Variants in ACP6 observed in about 807,000 individuals in gnomAD.
The protein encoded by ACP6 is lysophosphatidic acid phosphatase type 6.
Under a neutral mutation model 48.1 loss-of-function variants are expected in ACP6, and 48 were observed. The observed-to-expected ratio is 1.00, with a 90% confidence interval of 0.79 to 1.27. The LOEUF is 1.27. ACP6 is among the 50% of genes most tolerant of loss of function. The pLI, the probability that ACP6 is intolerant of heterozygous loss-of-function variation, is 0.00. For synonymous variants in ACP6, 172 were observed against 204.2 expected (o/e 0.84, Z 1.34); for missense variants, 485 against 529.1 (o/e 0.92, Z 0.82).
chr1:147,661,759 A>G (rs782770577), intron 1 of ACP6, among the ~76,000 whole-genome samples: 1 of 152,236 alleles, frequency 6.6e-6, no homozygotes, highest in Non-Finnish European at 1.5e-5. Flanking sequence ...AATTAAAAGT[A>G]CTACTCTGGT....
In ACP6 at chr1:147,654,303, AAAGAGGCAGTCTGC is replaced by A. The variant is rs1553211189; in HGVS notation, c.657_670del (p.Arg219SerfsTer19). On this transcript the variant is annotated frameshift_variant, in exon 6 of 10. Transcript: ENST00000583509. LOFTEE classifies it high-confidence loss of function. ...CAAATCCTCTGAGATTCCTGGCTGT[AAAGAGGCAGTCTGC>A]CTCCGGCCTCTGACAAAAAATAAAA... The A allele has an allele frequency of 6.2e-7, 1 of 1,614,212 alleles. No homozygotes were observed. Among genetic ancestry groups the A allele is most frequent in the Non-Finnish European group, 8.5e-7 (1 of 1,180,036 alleles).
At chr1:147,631,931 C>T (rs1341272781) in intron 5 of ACP6, among the ~76,000 whole-genome samples, 1 of 152,172 alleles carries the variant, frequency 6.6e-6, no homozygotes, top group Non-Finnish European at 1.5e-5. Context: ...GGCAGGACTG[C>T]CAGGCCCCAG....
At chr1:147,634,267 C>T (rs1553207733) in intron 5 of ACP6, among the ~76,000 whole-genome samples, 1 of 152,138 alleles carries the variant, frequency 6.6e-6, no homozygotes, top group African/African-American at 2.4e-5. Context: ...AATGTGTATT[C>T]AAGTCCTTGG....
downstream of ACP6, among the ~76,000 whole-genome samples, chr1:147,639,837 G>A (rs1553208439): frequency 2.0e-5 from 3 of 152,092 alleles, no homozygotes; most frequent in African/African-American, 7.2e-5. Flanking sequence ...CTTTGTGAAA[G>A]GCTTGCCTCA....
chr1:147,659,712 T>G lies in ACP6; in HGVS notation c.283A>C (p.Asn95His), dbSNP rs1553212399. Residue 95 changes from asparagine (N) to histidine (H), a missense_variant, in exon 2 of 10, where the codon AAT becomes CAT. Transcript: ENST00000583509. Reference sequence around the variant, plus strand: ...TATGGTTTCGGACCACCAGCTAGATTGGTGACTGTGTAATCAAACTGAGTT... The same window carrying G: ...TATGGTTTCGGACCACCAGCTAGATGGGTGACTGTGTAATCAAACTGAGTT... ...PQTQFDYTVT[N>H]LAGGPKPYSP... 1 of 1,614,008 alleles carries G rather than the reference T, an allele frequency of 6.2e-7. No individual in the cohort carries two copies. Among genetic ancestry groups the G allele is most frequent in the African/African-American group, 1.3e-5 (1 of 74,912 alleles).
At chr1:147,654,428 CA>C (rs782586782) in intron 5 of ACP6, 102 bp from the exon 6 acceptor site, 12 of 1,376,874 alleles carry the variant, frequency 8.7e-6, no homozygotes, top group African/African-American at 1.4e-5. Context: ...ATTTAATCCC[CA>C]CAACCCAATG....
In ACP6 at chr1:147,631,745, C is replaced by T. The variant is rs147703906; in HGVS notation, c.461-680G>A. 4.0e-3 allele frequency among the ~76,000 whole-genome samples: 613 copies of T among 152,124 alleles called. 7 individuals carry two copies. The highest frequency in any genetic ancestry group is 0.014 in the African/African-American group (581 of 41,490). ...AGGAGAATCGCTTGAACCCAGGAGG[C>T]GGAGGCTGCAGTGAGCTGAGATCGT... is the stretch of plus-strand genomic sequence containing the variant. On this transcript the variant is annotated intron_variant, in intron 5 of 5. Coordinates refer to the ACP6 transcript ENST00000609196.
At chr1:147,633,470 T>C (rs1054334198) in intron 5 of ACP6, among the ~76,000 whole-genome samples, 1 of 151,678 alleles carries the variant, frequency 6.6e-6, no homozygotes, top group South Asian at 2.1e-4. Context: ...ATTACTTTCT[T>C]TTATCTGAGC....
chr1:147,630,905 A>C (rs1164934429), exon 6 of ACP6: 4 of 152,228 alleles, frequency 2.6e-5, no homozygotes, highest in African/African-American at 9.6e-5. Context: ...TTACTTATAC[A>C]CATGTATATG....
intron 1 of ACP6, among the ~76,000 whole-genome samples, chr1:147,668,006 T>A (rs1327079432): frequency 6.6e-6 from 1 of 151,046 alleles, no homozygotes; most frequent in Admixed American, 6.6e-5. Context: ...AAAATCCCAA[T>A]AACAACCTCT....
rs1659544833 is a variant in ACP6 at position 147,644,314 on chromosome 1, T to C, written c.*3109A>G. 1.3e-5 allele frequency: 2 copies of C among 152,060 alleles called. No individual in the cohort carries two copies. Among genetic ancestry groups the C allele is most frequent in the African/African-American group, 2.4e-5 (1 of 41,386 alleles). 9.4% of individuals were successfully genotyped at this position (152,060 alleles called of 1,614,324 possible). A position where few individuals can be genotyped will look rare whatever the true frequency, so the allele number is the denominator to read the frequency against. Reference sequence around the variant, plus strand: ...TATTATCTGTCAACTAAAAAGAAAGTAAAAAGTTTTTATTACAAAAAAGAA... The same window carrying C: ...TATTATCTGTCAACTAAAAAGAAAGCAAAAAGTTTTTATTACAAAAAAGAA... On this transcript the variant is annotated 3_prime_UTR_variant, in exon 10 of 10. Transcript: ENST00000583509.
Position 147,659,782 on chromosome 1 carries a change from G to A in ACP6, c.220-7C>T. ...GCTGGGGGTTCCACTCTACCTGTTA[G>A]TACAAAAAAAACACACCACATTGTT... On this transcript the variant is annotated splice_polypyrimidine_tract_variant and splice_region_variant and intron_variant, in intron 1 of 9. Transcript: ENST00000583509. 6.2e-7 allele frequency: 1 copy of A among 1,611,458 alleles called. No individual in the cohort carries two copies. Among genetic ancestry groups the A allele is most frequent in the Non-Finnish European group, 8.5e-7 (1 of 1,179,442 alleles).
intron 6 of ACP6, among the ~76,000 whole-genome samples, chr1:147,653,829 T>C (rs1244344676): frequency 1.3e-5 from 2 of 152,166 alleles, no homozygotes; most frequent in African/African-American, 4.8e-5. Flanking sequence ...TTTTTTAATA[T>C]GCTGATGTAC....
intron 5 of ACP6, among the ~76,000 whole-genome samples, chr1:147,633,752 A>G (rs1395442335): frequency 2.6e-5 from 4 of 152,186 alleles, no homozygotes; most frequent in Non-Finnish European, 5.9e-5. Context: ...TAACTTTTCT[A>G]TCAAAAGCAA....
chr1:147,666,898 C>T (rs1660825960), intron 1 of ACP6, among the ~76,000 whole-genome samples: 1 of 152,138 alleles, frequency 6.6e-6, no homozygotes, highest in African/African-American at 2.4e-5. Flanking sequence ...TTATGCTTCC[C>T]AGCTCATCTA....
intron 6 of ACP6, 100 bp downstream of exon 6, chr1:147,654,094 T>C: frequency 6.5e-7 from 1 of 1,535,172 alleles, no homozygotes; most frequent in East Asian, 2.3e-5. Flanking sequence ...ACAGTTGCCT[T>C]CAAACCAGGA....
rs376506944 is a variant in ACP6 at position 147,647,605 on chromosome 1, C to T, written c.1144-39G>A. 63 of 1,596,916 alleles carry T rather than the reference C, an allele frequency of 3.9e-5. 1 individual carries two copies. The highest frequency in any genetic ancestry group is 3.2e-4 in the Admixed American group (19 of 58,576). On this transcript the variant is annotated intron_variant, in intron 9 of 9. Coordinates refer to ENST00000583509, the MANE Select transcript of ACP6 (RefSeq NM_016361.5). ...ATAACTCAGCAGGTCCGCCGAGGAA[C>T]CTGTCCTTCTGCTATTTCCAGCTAA...
chr1:147,633,231 T>A (rs1272827965), intron 5 of ACP6, among the ~76,000 whole-genome samples: 1 of 152,200 alleles, frequency 6.6e-6, no homozygotes, highest in South Asian at 2.1e-4. Flanking sequence ...TTCTTTCTCA[T>A]CCCAGCCCTT....
intron 4 of ACP6, among the ~76,000 whole-genome samples, chr1:147,657,716 G>C (rs1168811564): frequency 6.6e-6 from 1 of 152,092 alleles, no homozygotes; most frequent in Admixed American, 6.5e-5. Context: ...ACTGTGCCTG[G>C]CCCCTTCTGG....
Sources: gnomAD v4.1 joint callset for allele counts (sites outside exome capture counted in the v4.1 genomes callset) on GRCh38, gnomAD v4.1.1 for gene constraint, MANE v1.5 for transcripts, NCBI Gene and HGNC (gene_info 2026-07-23, HGNC 2026-07-21) for gene names.